The following DEAF1 variants were observed in gnomAD, a reference collection of about 807,000 sequenced individuals.
DEAF1 encodes the protein deformed epidermal autoregulatory factor 1 homolog.
Under a neutral mutation model 58.9 loss-of-function variants are expected in DEAF1, and 53 were observed. The observed-to-expected ratio is 0.90, with a 90% confidence interval of 0.72 to 1.13. The LOEUF is 1.13. Among genes scored for constraint, DEAF1 ranks in the 50% most tolerant of loss-of-function variants. DEAF1 has a pLI of 0.00. For synonymous variants in DEAF1, 385 were observed against 340.4 expected (o/e 1.13, Z -1.44); for missense variants, 685 against 791.4 (o/e 0.87, Z 1.61).
At chr11:681,144 G>A (rs545350288) in intron 6 of DEAF1, 55 bp from the exon 7 acceptor site, 13 of 1,611,778 alleles carry the variant, frequency 8.1e-6, no homozygotes, top group Admixed American at 5.0e-5. Context: ...GCTATGCTGC[G>A]CTTGCAACTC....
intron 10 of DEAF1, among the ~76,000 whole-genome samples, chr11:671,051 C>T (rs1859802227): frequency 6.6e-6 from 1 of 151,334 alleles, no homozygotes; most frequent in African/African-American, 2.4e-5. Flanking sequence ...GCCTCAGCCT[C>T]CCAAGGAGCT....
chr11:644,278 C>T lies in DEAF1; in HGVS notation c.*272G>A, dbSNP rs1004882614. On this transcript the variant is annotated 3_prime_UTR_variant, in exon 12 of 12. Coordinates refer to ENST00000382409, the MANE Select transcript of DEAF1 (RefSeq NM_021008.4). The surrounding 1 kb of genome is among the most constrained non-coding windows in gnomAD (Gnocchi z 4.3). ...GACAGACACAACACGTATGTATGTG[C>T]GTCGCAGCACAGGCCCTGTGGGCAA... 14 of 559,280 alleles carry T rather than the reference C, an allele frequency of 2.5e-5. No individual in the cohort carries two copies. Among genetic ancestry groups the T allele is most frequent in the East Asian group, 3.1e-5 (1 of 32,604 alleles). The allele number at this position is 559,280 out of a possible 1,614,324, so 34.6% of individuals were successfully genotyped here.
At chr11:653,807 C>T (rs1180101065) in intron 11 of DEAF1, 155 bp downstream of exon 11, 5 of 716,046 alleles carry the variant, frequency 7.0e-6, no homozygotes, top group African/African-American at 6.9e-5. Flanking sequence ...GCAGGGTCTT[C>T]ACGGAGCCAG....
chr11:671,879 A>C (rs1859845279), intron 10 of DEAF1, among the ~76,000 whole-genome samples: 1 of 150,048 alleles, frequency 6.7e-6, no homozygotes, highest in Non-Finnish European at 1.5e-5. Context: ...TCACATATTG[A>C]TCAGTCATTT....
intron 11 of DEAF1, among the ~76,000 whole-genome samples, chr11:652,715 T>C (rs1858834622): frequency 6.6e-6 from 1 of 151,752 alleles, no homozygotes; most frequent in South Asian, 2.1e-4. Context: ...GACACCAACA[T>C]GAAACAAAGA....
At position 644,679 on chromosome 11, in the gene DEAF1, C is replaced by A. The variant is rs753930883; in HGVS notation, c.1594-25G>T. ...CCTGGAAGGGAGGACACACCCATGT[C>A]AGCAGGGTCAGTGGGTGGAGCAGGG... is the stretch of plus-strand genomic sequence containing the variant. On this transcript the variant is annotated intron_variant, in intron 11 of 11. Transcript: ENST00000382409. The surrounding 1 kb of genome is among the most constrained non-coding windows in gnomAD (Gnocchi z 4.3). 2 of 1,569,030 alleles carry A rather than the reference C, an allele frequency of 1.3e-6. No homozygotes were observed. The highest frequency in any genetic ancestry group is 1.1e-5 in the South Asian group (1 of 87,276).
chr11:686,836 C>G, intron 5 of DEAF1, 22 bp downstream of exon 5: 2 of 1,613,926 alleles, frequency 1.2e-6, no homozygotes, highest in African/African-American at 1.3e-5. Context: ...GTGCTGAGCA[C>G]AGGTGAGGTC....
chr11:691,037 C>T (rs990744739), intron 2 of DEAF1, among the ~76,000 whole-genome samples: 2 of 152,252 alleles, frequency 1.3e-5, no homozygotes, highest in Non-Finnish European at 2.9e-5. Context: ...ATTTGAAATG[C>T]AACTGGCTTT....
Position 672,889 on chromosome 11 carries a change from G to A in DEAF1, c.1503+1647C>T, listed in dbSNP as rs1414766246. Among the ~76,000 whole-genome samples the A allele has an allele frequency of 2.1e-4, 31 of 150,762 alleles. 1 individual carries two copies. The highest frequency in any genetic ancestry group is 1.7e-3 in the Admixed American group (25 of 15,056). The stretch of plus-strand genomic sequence containing the variant: ...TTTAAATAGATAAATAAATAAATAC[G>A]TATAATCCCAGCACTTTAAGACGCT... On this transcript the variant is annotated intron_variant, in intron 10 of 11. Transcript: ENST00000382409.
At chr11:674,099 G>A (rs573942472) in intron 10 of DEAF1, 7 of 275,290 alleles carry the variant, frequency 2.5e-5, no homozygotes, top group Non-Finnish European at 5.0e-5. Flanking sequence ...GGAGGGCTTT[G>A]TGACAGCAGA....
At chr11:675,843 C>G (rs1234033083) in intron 9 of DEAF1, among the ~76,000 whole-genome samples, 2 of 151,762 alleles carry the variant, frequency 1.3e-5, no homozygotes, top group Non-Finnish European at 2.9e-5. Context: ...AAAGAAAACT[C>G]TCACGCAATG....
intron 10 of DEAF1, among the ~76,000 whole-genome samples, chr11:672,589 G>A (rs2133359037): frequency 6.6e-6 from 1 of 152,352 alleles, no homozygotes; most frequent in East Asian, 1.9e-4. Context: ...GCTCATGCCT[G>A]TAATCCCAGC....
At position 695,075 on chromosome 11, in the gene DEAF1, C is replaced by G. The variant is rs1309483352; in HGVS notation, c.-28G>C. The G allele has an allele frequency of 2.8e-6, 4 of 1,439,818 alleles. No homozygotes were observed. Among genetic ancestry groups the G allele is most frequent in the Non-Finnish European group, 3.6e-6 (4 of 1,097,820 alleles). 89.2% of individuals were successfully genotyped at this position (1,439,818 alleles called of 1,614,324 possible). On this transcript the variant is annotated 5_prime_UTR_variant, in exon 1 of 12. Coordinates refer to ENST00000382409, the MANE Select transcript of DEAF1 (RefSeq NM_021008.4). Reference sequence around the variant, plus strand: ...GGACTCCGCCGAGCCTTCCCGAAGGCGCCGTCCGGGACCGCCCGAAGCGCC... The same window carrying G: ...GGACTCCGCCGAGCCTTCCCGAAGGGGCCGTCCGGGACCGCCCGAAGCGCC...
At chr11:655,044 C>T (rs1440093217) in intron 10 of DEAF1, among the ~76,000 whole-genome samples, 1 of 150,344 alleles carries the variant, frequency 6.7e-6, no homozygotes, top group East Asian at 1.9e-4. Flanking sequence ...GCAAGACTGT[C>T]TCCAAAACAA....
Position 652,942 on chromosome 11 carries a change from G to A in DEAF1, c.1593+1020C>T, listed in dbSNP as rs946894119. Among the ~76,000 whole-genome samples, 98 of 151,506 alleles carry A rather than the reference G, an allele frequency of 6.5e-4. 1 individual carries two copies. In the Middle Eastern group the frequency reaches 0.014, roughly 21 times the overall value. On this transcript the variant is annotated intron_variant, in intron 11 of 11. Coordinates refer to ENST00000382409, the MANE Select transcript of DEAF1 (RefSeq NM_021008.4). ...CTACTAAAAATACAAAAATTAGCCA[G>A]GTATGGTGGCGCATGCCTGTAATCC...
At chr11:680,408 C>T (rs35584816) in intron 7 of DEAF1, among the ~76,000 whole-genome samples, 39,665 of 152,172 alleles carry the variant, frequency 0.26, 5,817 homozygotes, top group Non-Finnish European at 0.32. Context: ...GACATTTTCT[C>T]CTATTGCTAC....
intron 11 of DEAF1, among the ~76,000 whole-genome samples, chr11:648,265 G>T (rs554711037): frequency 1.3e-5 from 2 of 148,356 alleles, no homozygotes; most frequent in African/African-American, 5.1e-5. Context: ...CACGATCTCG[G>T]CTCACTGCAA....
chr11:666,900 A>G (rs1859560582), intron 10 of DEAF1, among the ~76,000 whole-genome samples: 1 of 151,566 alleles, frequency 6.6e-6, no homozygotes. Flanking sequence ...AAAAAAAAGA[A>G]AAAAAGAAAT....
intron 11 of DEAF1, among the ~76,000 whole-genome samples, chr11:649,550 T>C (rs1183344786): frequency 2.6e-5 from 4 of 151,712 alleles, no homozygotes; most frequent in African/African-American, 9.7e-5. Context: ...TGAAACCCTG[T>C]GTCTACTAAA....
Sources: allele counts gnomAD v4.1 joint callset (sites outside exome capture counted in the v4.1 genomes callset), GRCh38; gene constraint gnomAD v4.1.1; non-coding constraint Gnocchi (gnomAD v3.1); transcripts MANE v1.5; gene names NCBI Gene and HGNC (gene_info 2026-07-23, HGNC 2026-07-21).